PCNX4: variants seen among roughly 807,000 people sequenced by gnomAD.
The protein encoded by PCNX4 is pecanex-like protein 4.
PCNX4 carries 103 observed loss-of-function variants against 107.2 expected under a neutral mutation model. The observed-to-expected ratio is 0.96, with a 90% CI of 0.82 to 1.13. The LOEUF is 1.13. Ranked by LOEUF, PCNX4 falls within the 50% of genes most tolerant of loss-of-function variation. The probability of loss-of-function intolerance (pLI) is 0.00; values close to 1 mark genes in which losing one functional copy is unlikely to be tolerated. For synonymous variants in PCNX4, 541 were observed against 481.7 expected (o/e 1.12, Z -1.61); for missense variants, 1,528 against 1,379.4 (o/e 1.11, Z -1.71).
At chr14:60,092,954 C>G (rs941205477) in intron 1 of PCNX4, among the ~76,000 whole-genome samples, 1 of 152,194 alleles carries the variant, frequency 6.6e-6, no homozygotes, top group African/African-American at 2.4e-5. Context: ...TCATTTTTTA[C>G]TATTTTTAGG....
At chr14:60,101,925 A>G (rs1215635224) in intron 1 of PCNX4, among the ~76,000 whole-genome samples, 1 of 152,232 alleles carries the variant, frequency 6.6e-6, no homozygotes, top group Non-Finnish European at 1.5e-5. Flanking sequence ...TGCCATATGT[A>G]ACAACAGATG....
At chr14:60,123,344 T>G (rs536863078) in intron 8 of PCNX4, among the ~76,000 whole-genome samples, 91 of 152,164 alleles carry the variant, frequency 6.0e-4, no homozygotes, top group African/African-American at 2.1e-3. Context: ...CATGCAACCT[T>G]CACAACCATA....
chr14:60,121,248 G>A lies in PCNX4; in HGVS notation c.1995G>A (p.Met665Ile), dbSNP rs1895949062. 6.4e-7 allele frequency: 1 copy of A among 1,555,604 alleles called. No individual in the cohort carries two copies. The highest frequency in any genetic ancestry group is 8.7e-7 in the Non-Finnish European group (1 of 1,145,772). The change falls in exon 8 of 11, where the codon ATG becomes ATA. Residue 665 changes from methionine (M) to isoleucine (I), a missense_variant. Met to Ile is a conservative substitution (Grantham distance 10). Transcript: ENST00000406854. ...HYLGRFQDRL[M>I]WIMILECGYT... ...TGGGCCGTTTTCAGGATCGTTTAAT[G>A]TGGATAATGATTCTGGAATGTGGCT...
At chr14:60,110,752 A>G (rs1244286347) in intron 2 of PCNX4, 1 of 167,182 alleles carries the variant, frequency 6.0e-6, no homozygotes, top group Non-Finnish European at 1.5e-5. Flanking sequence ...TAATGCTAGA[A>G]TGAGTGAAGA....
intron 1 of PCNX4, among the ~76,000 whole-genome samples, chr14:60,102,932 A>G (rs1284173922): frequency 6.6e-6 from 1 of 152,220 alleles, no homozygotes; most frequent in African/African-American, 2.4e-5. Flanking sequence ...ATTCTTAAAT[A>G]TTTTTAAATG....
rs1477360489 is a variant in PCNX4, at chr14:60,137,023, T to G, written c.*2802T>G. ...AAAACCTACTTTTCTACTTCTAACT[T>G]TTAGTGGTGCATTCATACCAACTAT... On this transcript the variant is annotated 3_prime_UTR_variant, in exon 11 of 11. Coordinates refer to ENST00000406854, the MANE Select transcript of PCNX4 (RefSeq NM_001330177.2). The G allele has an allele frequency of 6.6e-6, 1 of 152,306 alleles. No homozygotes were observed. Among genetic ancestry groups the G allele is most frequent in the East Asian group, 1.9e-4 (1 of 5,202 alleles). 9.4% of individuals were successfully genotyped at this position (152,306 alleles called of 1,614,324 possible). A position where few individuals can be genotyped will look rare whatever the true frequency, so the allele number is the denominator to read the frequency against.
chr14:60,134,092 CGAT>C lies in PCNX4; in HGVS notation c.3396_3398del (p.Asp1132del). 1.2e-6 allele frequency: 2 copies of C among 1,613,830 alleles called. No individual in the cohort carries two copies. Among genetic ancestry groups the C allele is most frequent in the Non-Finnish European group, 1.7e-6 (2 of 1,179,808 alleles). Reference sequence around the variant, plus strand: ...CATGGGAATTACTTTATGCCACAAACGATGATGAAGAACGTTATAGTATACAAG... The same window carrying C: ...CATGGGAATTACTTTATGCCACAAACGATGAAGAACGTTATAGTATACAAG... On this transcript the variant is annotated inframe_deletion, in exon 11 of 11. Coordinates refer to ENST00000406854, the MANE Select transcript of PCNX4 (RefSeq NM_001330177.2).
intron 2 of PCNX4, chr14:60,111,195 A>G (rs1472918857): frequency 6.6e-6 from 1 of 152,380 alleles, no homozygotes; most frequent in Admixed American, 6.5e-5. Flanking sequence ...GCCCAAGCTG[A>G]TTAAGACAAG....
At position 60,146,221 on chromosome 14, in the gene PCNX4, A is replaced by G. The variant is rs1896402850; in HGVS notation, c.*12000A>G. 6.6e-6 allele frequency: 1 copy of G among 151,944 alleles called. No individual in the cohort carries two copies. 9.4% of individuals were successfully genotyped at this position (151,944 alleles called of 1,614,324 possible). ...AAGAAAAAGGCTGTCATTTTTTTAG[A>G]AAAACCTAGATGTAAAAAAAATGCG... On this transcript the variant is annotated 3_prime_UTR_variant, in exon 11 of 11. Transcript: ENST00000406854. This position sits in a 1 kb window ranked among gnomAD's most constrained non-coding sequence, Gnocchi z 4.9.
At chr14:60,110,350 G>C (rs772487719) in intron 2 of PCNX4, 2 of 167,124 alleles carry the variant, frequency 1.2e-5, no homozygotes, top group Non-Finnish European at 2.9e-5. Flanking sequence ...CAACAAGTCA[G>C]CTAGCCTCTA....
At chr14:60,104,349 A>T (rs548511403) in intron 1 of PCNX4, among the ~76,000 whole-genome samples, 1 of 146,526 alleles carries the variant, frequency 6.8e-6, no homozygotes, top group East Asian at 2.0e-4. Context: ...AAAAAAAAAG[A>T]GCTAAAATGG....
chr14:60,103,190 A>T (rs969075095), intron 1 of PCNX4, among the ~76,000 whole-genome samples: 2 of 152,186 alleles, frequency 1.3e-5, no homozygotes, highest in African/African-American at 4.8e-5. Context: ...GGTTTGGCTC[A>T]ATCTTTAAGA....
chr14:60,129,513 A>G (rs1389119698), intron 10 of PCNX4, among the ~76,000 whole-genome samples: 1 of 152,202 alleles, frequency 6.6e-6, no homozygotes, highest in African/African-American at 2.4e-5. Context: ...TGATTGCACC[A>G]CTGCACTCCA....
In PCNX4 at chr14:60,136,439, G is replaced by A. The variant is rs1255437530; in HGVS notation, c.*2218G>A. ...ATAAATTGATGATGATCAAATATAT[G>A]TACCTAACCCAACCTCTCTTCTTAC... On this transcript the variant is annotated 3_prime_UTR_variant, in exon 11 of 11. Coordinates refer to ENST00000406854, the MANE Select transcript of PCNX4 (RefSeq NM_001330177.2). 1.3e-5 allele frequency: 2 copies of A among 152,184 alleles called. No individual in the cohort carries two copies. Among genetic ancestry groups the A allele is most frequent in the Non-Finnish European group, 2.9e-5 (2 of 68,004 alleles). 9.4% of individuals were successfully genotyped at this position (152,184 alleles called of 1,614,324 possible).
At position 60,092,136 on chromosome 14, in the gene PCNX4, A is replaced by C. The variant is rs1019895839; in HGVS notation, c.-337A>C. Reference sequence around the variant, plus strand: ...GGCAGGGCCCGCCTCGGGAGCGAGCACAGACCGGGGCAGCGAGGCCAGCCA... The same window carrying C: ...GGCAGGGCCCGCCTCGGGAGCGAGCCCAGACCGGGGCAGCGAGGCCAGCCA... On this transcript the variant is annotated 5_prime_UTR_variant, in exon 1 of 11. Transcript: ENST00000406854. The C allele has an allele frequency of 2.0e-5, 3 of 152,390 alleles. No homozygotes were observed. Among genetic ancestry groups the C allele is most frequent in the African/African-American group, 7.2e-5 (3 of 41,468 alleles). The allele number at this position is 152,390 out of a possible 1,614,324, so 9.4% of individuals were successfully genotyped here. A position where few individuals can be genotyped will look rare whatever the true frequency, so the allele number is the denominator to read the frequency against.
intron 7 of PCNX4, among the ~76,000 whole-genome samples, chr14:60,119,953 G>C (rs1297419735): frequency 6.6e-6 from 1 of 152,148 alleles, no homozygotes; most frequent in Non-Finnish European, 1.5e-5. Context: ...ATGGTAGTCT[G>C]TAATAAAGAT....
At chr14:60,123,664 G>T (rs1380052116) in intron 8 of PCNX4, among the ~76,000 whole-genome samples, 1 of 152,076 alleles carries the variant, frequency 6.6e-6, no homozygotes, top group African/African-American at 2.4e-5. Flanking sequence ...TACCCACTGT[G>T]TACCAGATAC....
Position 60,137,542 on chromosome 14 carries a change from G to A in PCNX4, c.*3321G>A, listed in dbSNP as rs1259522387. 3 of 152,180 alleles carry A rather than the reference G, an allele frequency of 2.0e-5. No homozygotes were observed. Among genetic ancestry groups the A allele is most frequent in the Non-Finnish European group, 4.4e-5 (3 of 68,046 alleles). The allele number at this position is 152,180 out of a possible 1,614,324, so 9.4% of individuals were successfully genotyped here. On this transcript the variant is annotated 3_prime_UTR_variant, in exon 11 of 11. Transcript: ENST00000406854. Reference sequence around the variant, plus strand: ...TTATTTTTATAACTTTTCATGTTTAGTGTTGGAAAGTTATTTAAGGTATCT... The same window carrying A: ...TTATTTTTATAACTTTTCATGTTTAATGTTGGAAAGTTATTTAAGGTATCT...
intron 10 of PCNX4, among the ~76,000 whole-genome samples, chr14:60,127,767 A>G (rs1018019449): frequency 6.6e-6 from 1 of 152,236 alleles, no homozygotes; most frequent in Non-Finnish European, 1.5e-5. Flanking sequence ...GGAAAAAAGC[A>G]GACAACCAGG....
Sources: gnomAD v4.1 joint callset for allele counts (sites outside exome capture counted in the v4.1 genomes callset) on GRCh38, gnomAD v4.1.1 for gene constraint, Gnocchi (gnomAD v3.1) non-coding constraint, MANE v1.5 for transcripts, NCBI Gene and HGNC (gene_info 2026-07-23, HGNC 2026-07-21) for gene names.